SLIT3: variants seen among roughly 807,000 people sequenced by gnomAD.
SLIT3 encodes slit guidance ligand 3.
In SLIT3, 68 loss-of-function variants were observed where a neutral mutation model predicts 184.0. The ratio of observed to expected loss-of-function variants is 0.37; its 90% CI spans 0.30 to 0.45. The LOEUF (loss-of-function observed/expected upper bound fraction) is 0.45, where lower values mean the gene tolerates loss of function less well. Ranked by LOEUF, SLIT3 falls within the 20% of genes least tolerant of loss-of-function variation. The probability of loss-of-function intolerance (pLI) is 1.00; values close to 1 mark genes in which losing one functional copy is unlikely to be tolerated. For missense variants in SLIT3, 1,707 were observed against 2,026.0 expected, an observed-to-expected ratio of 0.84 and a Z score of 3.02; for synonymous variants, 831 against 828.6, an observed-to-expected ratio of 1.00 and a Z score of -0.05.
chr5:169,154,250 G>A (rs1386803231), intron 4 of SLIT3, among the ~76,000 whole-genome samples: 4 of 152,142 alleles, frequency 2.6e-5, no homozygotes, highest in Non-Finnish European at 5.9e-5. Flanking sequence ...GTGAGCCACC[G>A]TGCCTGGCCG....
intron 34 of SLIT3, 96 bp from the exon 35 acceptor site, chr5:168,670,087 A>G: frequency 1.1e-6 from 1 of 942,842 alleles, no homozygotes; most frequent in South Asian, 1.4e-5. Flanking sequence ...GGGGACCCGG[A>G]GCTGAGTACA....
chr5:169,031,770 A>G (rs1757033780), intron 4 of SLIT3, among the ~76,000 whole-genome samples: 1 of 152,210 alleles, frequency 6.6e-6, no homozygotes, highest in African/African-American at 2.4e-5. Flanking sequence ...AAGAGGTATC[A>G]TGATTGATTG....
At chr5:168,780,499 C>CTCTA (rs1157244120) in intron 12 of SLIT3, among the ~76,000 whole-genome samples, 1 of 152,240 alleles carries the variant, frequency 6.6e-6, no homozygotes, top group Non-Finnish European at 1.5e-5. Context: ...ATAACCCTTT[C>CTCTA]TCTAGCTCCT....
At chr5:169,249,585 G>T (rs1765706110) in intron 2 of SLIT3, among the ~76,000 whole-genome samples, 1 of 149,564 alleles carries the variant, frequency 6.7e-6, no homozygotes, top group South Asian at 2.1e-4. Context: ...TCTCACAGAT[G>T]CAGGGGAAAT....
Position 169,206,065 on chromosome 5 carries a change from C to A in SLIT3, c.342-12515G>T, listed in dbSNP as rs756715726. Among the ~76,000 whole-genome samples the A allele has an allele frequency of 2.6e-5, 4 of 152,294 alleles. No homozygotes were observed. In the South Asian group the frequency reaches 8.3e-4, roughly 32 times the overall value. ...GGGTGCAATTAATAAAAGGAAAAAGCAGATTGCCCCCAAAAGCTAACTTTC... is the reference window on the plus strand; with the variant it reads ...GGGTGCAATTAATAAAAGGAAAAAGAAGATTGCCCCCAAAAGCTAACTTTC... On this transcript the variant is annotated intron_variant, in intron 3 of 35. Coordinates refer to ENST00000519560, the MANE Select transcript of SLIT3 (RefSeq NM_003062.4).
At chr5:168,692,234 C>T (rs1312948349) in intron 29 of SLIT3, among the ~76,000 whole-genome samples, 2 of 152,212 alleles carry the variant, frequency 1.3e-5, no homozygotes, top group African/African-American at 4.8e-5. Flanking sequence ...GACGCTGCTT[C>T]CCCAGTGGAA....
At chr5:168,803,257 A>G (rs562034075) in intron 9 of SLIT3, among the ~76,000 whole-genome samples, 5 of 152,246 alleles carry the variant, frequency 3.3e-5, no homozygotes, top group Admixed American at 6.5e-5. Flanking sequence ...TTTAAAAACG[A>G]TGATAACAAA....
Position 169,193,490 on chromosome 5 carries a change from C to G in SLIT3, c.402G>C (p.Lys134Asn), listed in dbSNP as rs1345445335. Reference protein sequence around the residue: ...LPELLFQSTPKLTRLDLSENQ... With the variant: ...LPELLFQSTPNLTRLDLSENQ... ...GCAACTCTACTCACAGTCTGGTGAG[C>G]TTCGGCGTGCTCTGGAAAAGCAATT... Residue 134 changes from lysine (K) to asparagine (N), a missense_variant, in exon 4 of 36, where the codon AAG (lysine) becomes AAC (asparagine). Lys to Asn is a moderately conservative substitution (Grantham distance 94, BLOSUM62 0). This residue lies in a region of SLIT3 where 1,307 missense variants were observed against 1,511.6 expected (regional missense o/e 0.86). Coordinates refer to ENST00000519560, the MANE Select transcript of SLIT3 (RefSeq NM_003062.4). 1.9e-6 allele frequency: 3 copies of G among 1,613,852 alleles called. No homozygotes were observed. In the Admixed American group the frequency reaches 5.0e-5, roughly 27 times the overall value.
At chr5:169,002,705 T>C (rs1426172026) in intron 4 of SLIT3, among the ~76,000 whole-genome samples, 1 of 152,228 alleles carries the variant, frequency 6.6e-6, no homozygotes, top group African/African-American at 2.4e-5. Flanking sequence ...ACTACATTTT[T>C]CCGTGTTTTT....
chr5:168,746,476 G>GGT (rs1763824495), intron 20 of SLIT3, among the ~76,000 whole-genome samples: 1 of 65,480 alleles, frequency 1.5e-5, no homozygotes, highest in Non-Finnish European at 3.0e-5. Flanking sequence ...GCGGTGGTGT[G>GGT]GGTGTGGTGG....
chr5:168,939,729 A>G (rs1024364423), intron 4 of SLIT3, among the ~76,000 whole-genome samples: 4 of 152,236 alleles, frequency 2.6e-5, no homozygotes, highest in African/African-American at 7.2e-5. Flanking sequence ...CTTTTATGCA[A>G]GGGACTTTGG....
At chr5:169,075,626 C>T (rs1354419874) in intron 4 of SLIT3, among the ~76,000 whole-genome samples, 1 of 152,106 alleles carries the variant, frequency 6.6e-6, no homozygotes. Context: ...GGTTCAAGCC[C>T]AGCAACATTC....
intron 22 of SLIT3, 89 bp from the exon 23 acceptor site, chr5:168,722,416 G>A (rs1762974064): frequency 1.1e-5 from 13 of 1,147,880 alleles, no homozygotes; most frequent in Non-Finnish European, 1.6e-5. Context: ...CAAAGCAAAT[G>A]GTTTATCTTT....
chr5:168,738,073 C>T (rs1023848778), intron 20 of SLIT3, among the ~76,000 whole-genome samples: 1 of 152,214 alleles, frequency 6.6e-6, no homozygotes, highest in Admixed American at 6.5e-5. Context: ...CCATTGCCCA[C>T]CAATATGTAA....
intron 35 of SLIT3, 121 bp from the exon 36 acceptor site, chr5:168,666,810 C>T: frequency 6.7e-7 from 1 of 1,484,748 alleles, no homozygotes; most frequent in Non-Finnish European, 9.1e-7. Context: ...TTTATTCACT[C>T]ATCCATCTGC....
intron 3 of SLIT3, among the ~76,000 whole-genome samples, chr5:169,230,226 TACTC>T (rs1281519973): frequency 6.6e-6 from 1 of 152,208 alleles, no homozygotes; most frequent in Non-Finnish European, 1.5e-5. Context: ...TAACAGATGT[TACTC>T]GCAGCTGCTA....
intron 1 of SLIT3, among the ~76,000 whole-genome samples, chr5:169,254,665 T>A (rs1326920515): frequency 1.3e-5 from 2 of 152,120 alleles, no homozygotes; most frequent in African/African-American, 4.8e-5. Context: ...CTCCCCTCAC[T>A]TGTACTGCAG....
At chr5:168,892,558 G>A (rs1002377014) in intron 4 of SLIT3, among the ~76,000 whole-genome samples, 2 of 152,208 alleles carry the variant, frequency 1.3e-5, no homozygotes, top group Non-Finnish European at 2.9e-5. Flanking sequence ...TGAAAGCCCT[G>A]AATCCAGGGC....
intron 20 of SLIT3, among the ~76,000 whole-genome samples, chr5:168,743,963 T>C (rs1448693220): frequency 6.6e-6 from 1 of 152,172 alleles, no homozygotes; most frequent in Non-Finnish European, 1.5e-5. Context: ...GAAGAAAAGT[T>C]TGAAGCTAGC....
Sources: allele counts gnomAD v4.1 joint callset (sites outside exome capture counted in the v4.1 genomes callset), GRCh38; gene constraint gnomAD v4.1.1; regional missense constraint gnomAD v4.1.1; transcripts MANE v1.5; gene names NCBI Gene and HGNC (gene_info 2026-07-23, HGNC 2026-07-21).